Variants in TNKS observed in about 807,000 individuals in gnomAD.
The protein encoded by TNKS is poly [ADP-ribose] polymerase tankyrase-1.
A neutral mutation model predicts 135.8 loss-of-function variants in TNKS; 72 were observed. That is an observed-to-expected ratio of 0.53 (90% CI 0.44 to 0.64). TNKS has a LOEUF of 0.64. Ranked by LOEUF, TNKS falls within the 30% of genes least tolerant of loss-of-function variation. The pLI is 0.00. For synonymous variants in TNKS, 849 were observed against 649.3 expected (o/e 1.31, Z -4.68); for missense variants, 1,769 against 1,674.0 (o/e 1.06, Z -0.99).
intron 5 of TNKS, among the ~76,000 whole-genome samples, chr8:9,695,853 C>A (rs1027113764): frequency 6.6e-6 from 1 of 152,100 alleles, no homozygotes; most frequent in Admixed American, 6.6e-5. Flanking sequence ...AAGAAAGACT[C>A]CCAAAGTTTT....
chr8:9,683,321 T>G (rs1423442543), intron 5 of TNKS, among the ~76,000 whole-genome samples: 1 of 152,064 alleles, frequency 6.6e-6, no homozygotes, highest in South Asian at 2.1e-4. Context: ...CTAGTAGATA[T>G]GTAGTCCTTT....
intron 4 of TNKS, 141 bp downstream of exon 4, chr8:9,680,128 C>G (rs1802722950): frequency 1.7e-6 from 1 of 577,854 alleles, no homozygotes. Flanking sequence ...TCTTTATGTA[C>G]TTTATATCAT....
intron 17 of TNKS, among the ~76,000 whole-genome samples, chr8:9,740,055 TAAAAAAA>T (rs58285747): frequency 5.7e-5 from 5 of 87,448 alleles, no homozygotes; most frequent in African/African-American, 1.7e-4. Context: ...TAGAGTATAA[TAAAAAAA>T]AAAAAAAAAA....
rs553080992 is a variant in TNKS at position 9,778,367 on chromosome 8, G to C, written c.*1631G>C. 6.6e-6 allele frequency: 1 copy of C among 152,554 alleles called. No homozygotes were observed. Among genetic ancestry groups the C allele is most frequent in the African/African-American group, 2.4e-5 (1 of 41,552 alleles). 9.5% of individuals were successfully genotyped at this position (152,554 alleles called of 1,614,324 possible). A position where few individuals can be genotyped will look rare whatever the true frequency, so the allele number is the denominator to read the frequency against. On this transcript the variant is annotated 3_prime_UTR_variant, in exon 27 of 27. Coordinates refer to ENST00000310430, the MANE Select transcript of TNKS (RefSeq NM_003747.3). ...GGGTTTAATGCAAGGTGATTAAGCT[G>C]TGACCTCCTTTAATCTCCTGAAGCA...
At chr8:9,581,530 A>G (rs1036458003) in intron 2 of TNKS, among the ~76,000 whole-genome samples, 1 of 152,202 alleles carries the variant, frequency 6.6e-6, no homozygotes, top group Non-Finnish European at 1.5e-5. Context: ...CTCTCTGACT[A>G]CAAAGCCTCT....
intron 8 of TNKS, among the ~76,000 whole-genome samples, chr8:9,708,062 A>T (rs1055519990): frequency 1.3e-5 from 2 of 152,168 alleles, no homozygotes; most frequent in African/African-American, 4.8e-5. Context: ...GTGCACACAA[A>T]TTATTTAACT....
chr8:9,752,653 C>T (rs1295622853), intron 20 of TNKS, 27 bp downstream of exon 20: 3 of 1,465,336 alleles, frequency 2.0e-6, no homozygotes, highest in African/African-American at 1.4e-5. Context: ...ATATTTGAGT[C>T]ATTTAAATTA....
At chr8:9,732,707 A>C (rs1431058546) in intron 14 of TNKS, among the ~76,000 whole-genome samples, 3 of 152,320 alleles carry the variant, frequency 2.0e-5, no homozygotes, top group Middle Eastern at 3.4e-3. Flanking sequence ...GCTGCTTACA[A>C]ATCAGAGCTT....
intron 3 of TNKS, among the ~76,000 whole-genome samples, chr8:9,668,287 C>G (rs1242924526): frequency 1.3e-5 from 2 of 152,070 alleles, no homozygotes; most frequent in African/African-American, 4.8e-5. Context: ...GGTTCCTAAC[C>G]TTTTTTGGGT....
chr8:9,673,668 A>T (rs1381326436), intron 3 of TNKS, among the ~76,000 whole-genome samples: 1 of 151,186 alleles, frequency 6.6e-6, no homozygotes, highest in Admixed American at 6.6e-5. Flanking sequence ...CTGGTATTGA[A>T]CTCCTGACCT....
intron 5 of TNKS, among the ~76,000 whole-genome samples, chr8:9,699,584 T>A (rs1038211026): frequency 2.0e-5 from 3 of 152,202 alleles, no homozygotes; most frequent in Admixed American, 2.0e-4. Context: ...GGATTAGCAT[T>A]CACATGGGAA....
At chr8:9,612,356 G>C (rs1241500400) in intron 2 of TNKS, among the ~76,000 whole-genome samples, 3 of 152,046 alleles carry the variant, frequency 2.0e-5, no homozygotes, top group African/African-American at 7.2e-5. Context: ...AACAGTTCTG[G>C]GAATCGAATT....
intron 2 of TNKS, among the ~76,000 whole-genome samples, chr8:9,609,958 C>T (rs537222492): frequency 5.9e-5 from 9 of 152,150 alleles, no homozygotes; most frequent in South Asian, 2.1e-4. Flanking sequence ...CCCGGGTTCA[C>T]GCCATTCTCC....
intron 18 of TNKS, among the ~76,000 whole-genome samples, chr8:9,749,302 A>AG (rs2128827210): frequency 6.6e-6 from 1 of 152,284 alleles, no homozygotes; most frequent in African/African-American, 2.4e-5. Flanking sequence ...CCCCACCAAC[A>AG]GGGGGCAGAT....
rs550955586 is a variant in TNKS, at chr8:9,781,807, G to C, written c.*5071G>C. 1 of 152,542 alleles carries C rather than the reference G, an allele frequency of 6.6e-6. No individual in the cohort carries two copies. Among genetic ancestry groups the C allele is most frequent in the Non-Finnish European group, 1.5e-5 (1 of 68,030 alleles). The allele number at this position is 152,542 out of a possible 1,614,324, so 9.4% of individuals were successfully genotyped here. On this transcript the variant is annotated 3_prime_UTR_variant, in exon 27 of 27. Coordinates refer to ENST00000310430, the MANE Select transcript of TNKS (RefSeq NM_003747.3). The stretch of plus-strand genomic sequence containing the variant: ...GTAGTGACTCTTTGGTTCATTATTC[G>C]TGTTGTTTTTATTTTTAGTCTCTGT...
At chr8:9,655,662 A>G (rs527339679) in intron 3 of TNKS, among the ~76,000 whole-genome samples, 4 of 152,334 alleles carry the variant, frequency 2.6e-5, no homozygotes, top group East Asian at 1.9e-4. Flanking sequence ...GCAAACTCCA[A>G]CAGGCCTGCA....
chr8:9,588,764 A>G (rs1200933965), intron 2 of TNKS, among the ~76,000 whole-genome samples: 2 of 152,176 alleles, frequency 1.3e-5, no homozygotes, highest in Admixed American at 6.5e-5. Flanking sequence ...ACACGTGGCC[A>G]TTTATAAAGG....
intron 13 of TNKS, among the ~76,000 whole-genome samples, chr8:9,729,767 T>C (rs1480782820): frequency 8.1e-6 from 1 of 122,786 alleles, no homozygotes; most frequent in Non-Finnish European, 1.7e-5. Context: ...AAGAATATGA[T>C]ATTCTTTTTT....
chr8:9,775,047 G>C (rs948712809), intron 26 of TNKS, among the ~76,000 whole-genome samples: 6 of 152,036 alleles, frequency 3.9e-5, no homozygotes, highest in African/African-American at 1.4e-4. Flanking sequence ...GTTCTTATGT[G>C]GTAGATGCTC....
Sources: gnomAD v4.1 joint callset for allele counts (sites outside exome capture counted in the v4.1 genomes callset) on GRCh38, gnomAD v4.1.1 for gene constraint, MANE v1.5 for transcripts, NCBI Gene and HGNC (gene_info 2026-07-23, HGNC 2026-07-21) for gene names.